Variants in BMPER observed in about 807,000 individuals in gnomAD.
BMPER encodes BMP-binding endothelial regulator protein.
Under a neutral mutation model 87.3 loss-of-function variants are expected in BMPER, and 45 were observed. The observed-to-expected ratio is 0.52, with a 90% CI of 0.41 to 0.66. The LOEUF (loss-of-function observed/expected upper bound fraction) is 0.66. Ranked by LOEUF, BMPER falls within the 30% of genes least tolerant of loss-of-function variation. BMPER has a pLI of 0.00. For synonymous variants in BMPER, 326 were observed against 316.2 expected (o/e 1.03, Z -0.33); for missense variants, 784 against 867.5 (o/e 0.90, Z 1.21).
At chr7:33,978,498 C>G (rs1019783718) in intron 6 of BMPER, among the ~76,000 whole-genome samples, 2 of 152,080 alleles carry the variant, frequency 1.3e-5, no homozygotes, top group African/African-American at 4.8e-5. Flanking sequence ...AATGTTTTCA[C>G]TGAAGGAGTG....
chr7:34,074,975 G>A (rs1270449536), intron 11 of BMPER, among the ~76,000 whole-genome samples: 1 of 151,936 alleles, frequency 6.6e-6, no homozygotes, highest in Non-Finnish European at 1.5e-5. Flanking sequence ...GTTGTGTTTG[G>A]GGGGAGTAGG....
chr7:33,918,996 G>T (rs1784149852), intron 2 of BMPER, among the ~76,000 whole-genome samples: 1 of 152,158 alleles, frequency 6.6e-6, no homozygotes, highest in African/African-American at 2.4e-5. Context: ...TCCCTGCTGG[G>T]ATGTGCTGGA....
At chr7:34,013,608 C>T (rs888681355) in intron 6 of BMPER, among the ~76,000 whole-genome samples, 1 of 151,804 alleles carries the variant, frequency 6.6e-6, no homozygotes, top group Non-Finnish European at 1.5e-5. Flanking sequence ...GAAACCATTA[C>T]CAAAATCCTA....
intron 13 of BMPER, among the ~76,000 whole-genome samples, chr7:34,114,812 G>T (rs1442211704): frequency 6.6e-6 from 1 of 152,206 alleles, no homozygotes; most frequent in African/African-American, 2.4e-5. Flanking sequence ...GTAGAAAGGG[G>T]CAACACATAG....
At chr7:34,132,888 A>G (rs1308792980) in intron 13 of BMPER, among the ~76,000 whole-genome samples, 1 of 152,186 alleles carries the variant, frequency 6.6e-6, no homozygotes, top group African/African-American at 2.4e-5. Flanking sequence ...CAGACTTGGT[A>G]GATGTGAAAT....
intron 13 of BMPER, among the ~76,000 whole-genome samples, chr7:34,099,969 AC>A (rs1407651768): frequency 6.6e-6 from 1 of 151,814 alleles, no homozygotes; most frequent in Non-Finnish European, 1.5e-5. Context: ...ATGCACTCCT[AC>A]CTTTGCCTAC....
chr7:33,965,644 T>A (rs1585684986), intron 3 of BMPER, among the ~76,000 whole-genome samples: 1 of 152,194 alleles, frequency 6.6e-6, no homozygotes, highest in Non-Finnish European at 1.5e-5. Context: ...CTTCTAAGGA[T>A]ACAGTGACTA....
chr7:33,930,147 T>G (rs1382878407), intron 2 of BMPER, among the ~76,000 whole-genome samples: 2 of 152,218 alleles, frequency 1.3e-5, no homozygotes, highest in Non-Finnish European at 2.9e-5. Context: ...TGGGTCCTTT[T>G]CCCTTTCAGC....
At chr7:34,116,180 A>G (rs950469380) in intron 13 of BMPER, among the ~76,000 whole-genome samples, 11 of 152,244 alleles carry the variant, frequency 7.2e-5, no homozygotes, top group African/African-American at 2.2e-4. Flanking sequence ...AATGTAAACT[A>G]CATGATGGTA....
intron 6 of BMPER, among the ~76,000 whole-genome samples, chr7:33,988,174 G>A (rs974680729): frequency 2.0e-5 from 3 of 151,970 alleles, no homozygotes; most frequent in Admixed American, 6.6e-5. Flanking sequence ...TTGGATTATA[G>A]GGCTGTGTTG....
intron 6 of BMPER, among the ~76,000 whole-genome samples, chr7:33,994,780 TCCTACCTCTA>T (rs2127930230): frequency 6.6e-6 from 1 of 152,280 alleles, no homozygotes; most frequent in East Asian, 1.9e-4. Flanking sequence ...TGTGGTCCTG[TCCTACCTCTA>T]CCATTGGCTA....
intron 6 of BMPER, among the ~76,000 whole-genome samples, chr7:34,025,998 A>T (rs140878961): frequency 6.6e-6 from 1 of 152,148 alleles, no homozygotes; most frequent in East Asian, 1.9e-4. Context: ...AGCTGTCAGG[A>T]TGAAGGCTGA....
At chr7:33,989,724 T>C (rs1431576537) in intron 6 of BMPER, among the ~76,000 whole-genome samples, 2 of 152,212 alleles carry the variant, frequency 1.3e-5, no homozygotes, top group African/African-American at 2.4e-5. Flanking sequence ...GCCTAGGTTT[T>C]CTTCTAGGGT....
intron 13 of BMPER, among the ~76,000 whole-genome samples, chr7:34,129,248 A>G (rs1216189365): frequency 6.6e-6 from 1 of 152,050 alleles, no homozygotes; most frequent in Non-Finnish European, 1.5e-5. Flanking sequence ...CATGCCTGTA[A>G]TCTCAACACT....
At chr7:34,118,828 C>T (rs28544996) in intron 13 of BMPER, among the ~76,000 whole-genome samples, 114,958 of 151,904 alleles carry the variant, frequency 0.76, 44,204 homozygotes, top group East Asian at 0.95. Flanking sequence ...AAAAGGCTAA[C>T]CTCTCTCAAA....
intron 6 of BMPER, 41 bp from the exon 7 acceptor site, chr7:34,046,265 T>G (rs1372127807): frequency 6.3e-7 from 1 of 1,584,488 alleles, no homozygotes; most frequent in South Asian, 1.1e-5. Flanking sequence ...CTACATGCAC[T>G]TACTTTTCTA....
intron 6 of BMPER, among the ~76,000 whole-genome samples, chr7:34,040,672 G>T (rs557787606): frequency 3.9e-5 from 6 of 152,316 alleles, no homozygotes; most frequent in African/African-American, 1.4e-4. Flanking sequence ...TCTTTCAACT[G>T]AGTGGAAGAG....
chr7:34,090,729 C>A (rs1306287731), intron 13 of BMPER, among the ~76,000 whole-genome samples: 1 of 152,184 alleles, frequency 6.6e-6, no homozygotes, highest in Non-Finnish European at 1.5e-5. Context: ...GCCCACAAAG[C>A]AGAACTCTTA....
chr7:34,096,922 C>T (rs1005458020), intron 13 of BMPER, among the ~76,000 whole-genome samples: 1 of 152,154 alleles, frequency 6.6e-6, no homozygotes, highest in African/African-American at 2.4e-5. Flanking sequence ...AAATAAGACA[C>T]CAGGCACTGT....
Sources: gnomAD v4.1 joint callset for allele counts (sites outside exome capture counted in the v4.1 genomes callset) on GRCh38, gnomAD v4.1.1 for gene constraint, MANE v1.5 for transcripts, NCBI Gene and HGNC (gene_info 2026-07-23, HGNC 2026-07-21) for gene names.